ANKRD30BL: variants seen among roughly 807,000 people sequenced by gnomAD.
ANKRD30BL encodes the protein putative ankyrin repeat domain-containing protein 30B-like.
A neutral mutation model predicts 18.4 loss-of-function variants in ANKRD30BL; 20 were observed. That is an observed-to-expected ratio of 1.09 (90% confidence interval 0.77 to 1.58). The LOEUF (loss-of-function observed/expected upper bound fraction) is 1.58. Among genes scored for constraint, ANKRD30BL ranks in the 40% most tolerant of loss-of-function variants. The pLI is 0.00. For synonymous variants in ANKRD30BL, 72 were observed against 100.9 expected (o/e 0.71, Z 1.72); for missense variants, 224 against 268.6 (o/e 0.83, Z 1.16).
intron 1 of ANKRD30BL, among the ~76,000 whole-genome samples, chr2:132,158,111 T>G (rs1687961284): frequency 6.6e-6 from 1 of 152,152 alleles, no homozygotes; most frequent in Non-Finnish European, 1.5e-5. Context: ...GTGCCTTCCA[T>G]GAAGTGGAAT....
At chr2:132,222,776 A>G (rs113824129) in intron 1 of ANKRD30BL, among the ~76,000 whole-genome samples, 25 of 125,780 alleles carry the variant, frequency 2.0e-4, no homozygotes, top group African/African-American at 6.8e-4. Flanking sequence ...TCCCTCCACT[A>G]TTGTCCTATG....
At chr2:132,232,833 A>T (rs892873568) in intron 1 of ANKRD30BL, among the ~76,000 whole-genome samples, 19 of 152,132 alleles carry the variant, frequency 1.2e-4, no homozygotes, top group Non-Finnish European at 2.6e-4. Context: ...AAATACAGAG[A>T]ATGCCACAAA....
chr2:132,152,813 G>A (rs1687795177), intron 4 of ANKRD30BL: 1 of 152,186 alleles, frequency 6.6e-6, no homozygotes, highest in Non-Finnish European at 1.5e-5. Flanking sequence ...TACCATGAAG[G>A]TCTAGGCCAT....
intron 1 of ANKRD30BL, among the ~76,000 whole-genome samples, chr2:132,214,181 C>T (rs1356384623): frequency 2.7e-5 from 4 of 149,918 alleles, no homozygotes; most frequent in Admixed American, 6.8e-5. Flanking sequence ...TATACAGAAA[C>T]ATTCTGACAA....
At chr2:132,238,129 T>C (rs1372922114) in intron 1 of ANKRD30BL, among the ~76,000 whole-genome samples, 1 of 152,016 alleles carries the variant, frequency 6.6e-6, no homozygotes. Flanking sequence ...AAAGGAAATA[T>C]CTTCACATAA....
At chr2:132,230,266 T>C (rs1679973540) in intron 1 of ANKRD30BL, among the ~76,000 whole-genome samples, 1 of 152,122 alleles carries the variant, frequency 6.6e-6, no homozygotes, top group African/African-American at 2.4e-5. Context: ...AGTGAATTTA[T>C]GGACCGCTTT....
intron 1 of ANKRD30BL, among the ~76,000 whole-genome samples, chr2:132,217,937 C>T (rs544940061): frequency 1.1e-4 from 17 of 151,586 alleles, no homozygotes; most frequent in Admixed American, 3.3e-4. Context: ...TCGTTGGAAA[C>T]GGGTATATCT....
intron 1 of ANKRD30BL, among the ~76,000 whole-genome samples, chr2:132,190,770 T>A (rs972635834): frequency 6.6e-6 from 1 of 152,146 alleles, no homozygotes; most frequent in South Asian, 2.1e-4. Context: ...ATGCAGCGAA[T>A]TATGATAAGC....
chr2:132,186,034 G>A (rs1401555959), intron 1 of ANKRD30BL, among the ~76,000 whole-genome samples: 13 of 151,702 alleles, frequency 8.6e-5, no homozygotes, highest in African/African-American at 2.7e-4. Context: ...CCACCTGCTC[G>A]GGAGGCTGAA....
chr2:132,194,380 T>C (rs777770476), intron 1 of ANKRD30BL, among the ~76,000 whole-genome samples: 2 of 152,346 alleles, frequency 1.3e-5, no homozygotes, highest in Non-Finnish European at 1.5e-5. Flanking sequence ...TCAGACAGCA[T>C]AAGTCAGCGA....
chr2:132,180,653 A>G (rs954587367), intron 1 of ANKRD30BL, among the ~76,000 whole-genome samples: 7 of 152,140 alleles, frequency 4.6e-5, no homozygotes, highest in African/African-American at 7.2e-5. Context: ...CAGGTAATTT[A>G]TGTAACTTGC....
chr2:132,220,322 C>A (rs1158985148), intron 1 of ANKRD30BL, among the ~76,000 whole-genome samples: 9 of 109,640 alleles, frequency 8.2e-5, no homozygotes, highest in Non-Finnish European at 1.4e-4. Context: ...CTCTCCCTCT[C>A]CCTGTCCCTC....
chr2:132,229,634 T>A (rs1679950813), intron 1 of ANKRD30BL, among the ~76,000 whole-genome samples: 1 of 152,244 alleles, frequency 6.6e-6, no homozygotes, highest in Non-Finnish European at 1.5e-5. Context: ...ACATAAACAC[T>A]AGACAGAAGC....
chr2:132,226,111 C>T (rs1266372028), intron 1 of ANKRD30BL, among the ~76,000 whole-genome samples: 1 of 152,044 alleles, frequency 6.6e-6, no homozygotes, highest in South Asian at 2.1e-4. Flanking sequence ...AGTTATGAAA[C>T]ACTCTTTTAG....
At chr2:132,154,813 T>G in intron 3 of ANKRD30BL, 45 bp from the exon 4 acceptor site, 1 of 654,058 alleles carries the variant, frequency 1.5e-6, no homozygotes, top group Non-Finnish European at 2.8e-6. Flanking sequence ...AATTACATAT[T>G]TCTCAGCTGA....
intron 1 of ANKRD30BL, among the ~76,000 whole-genome samples, chr2:132,253,818 G>T (rs111477441): frequency 1.3e-5 from 2 of 151,892 alleles, no homozygotes; most frequent in African/African-American, 4.8e-5. Flanking sequence ...GGGTGGGACC[G>T]GCATCCGGCC....
intron 1 of ANKRD30BL, among the ~76,000 whole-genome samples, chr2:132,205,152 C>T (rs1181574855): frequency 6.6e-6 from 1 of 152,042 alleles, no homozygotes; most frequent in African/African-American, 2.4e-5. Context: ...ATAAGGTATG[C>T]AGAATTTTCT....
chr2:132,244,459 G>A (rs1680431476), intron 1 of ANKRD30BL, among the ~76,000 whole-genome samples: 1 of 152,308 alleles, frequency 6.6e-6, no homozygotes, highest in African/African-American at 2.4e-5. Context: ...AAACTTCTTT[G>A]TGATGCTTGC....
rs745519390 is a variant in ANKRD30BL at position 132,229,139 on chromosome 2, T to A, written n.441+28390A>T. Among the ~76,000 whole-genome samples, 6 of 152,144 alleles carry A rather than the reference T, an allele frequency of 3.9e-5. No homozygotes were observed. In the South Asian group the frequency reaches 8.3e-4, roughly 21 times the overall value. ...ATGTAAAAAGTACATAGAAGAATTC[T>A]GAGAAACTACTTTGTGATGTGTGCA... On this transcript the variant is annotated intron_variant and non_coding_transcript_variant, in intron 1 of 4. Coordinates refer to the ANKRD30BL transcript ENST00000470729.
Sources: gnomAD v4.1 joint callset for allele counts (sites outside exome capture counted in the v4.1 genomes callset) on GRCh38, gnomAD v4.1.1 for gene constraint, MANE v1.5 for transcripts, NCBI Gene and HGNC (gene_info 2026-07-23, HGNC 2026-07-21) for gene names.